PAFAH1B2: variants seen among roughly 807,000 people sequenced by gnomAD.
PAFAH1B2 encodes the protein platelet-activating factor acetylhydrolase IB subunit alpha2.
Under a neutral mutation model 28.0 loss-of-function variants are expected in PAFAH1B2, and 8 were observed. The ratio of observed to expected loss-of-function variants is 0.29; its 90% CI spans 0.17 to 0.52. The LOEUF (loss-of-function observed/expected upper bound fraction) is 0.52. PAFAH1B2 is among the 20% of genes least tolerant of loss of function. The pLI is 0.97. For missense variants in PAFAH1B2, 190 were observed against 282.6 expected (o/e 0.67, Z 2.35); for synonymous variants, 104 against 103.2 (o/e 1.01, Z -0.05).
At chr11:117,154,768 A>G (rs1298721578) in intron 2 of PAFAH1B2, among the ~76,000 whole-genome samples, 2 of 152,076 alleles carry the variant, frequency 1.3e-5, no homozygotes, top group South Asian at 2.1e-4. Flanking sequence ...AGCATTGCAT[A>G]CTGAAATATT....
At chr11:117,164,136 T>C (rs569874975) in intron 5 of PAFAH1B2, 8 of 318,282 alleles carry the variant, frequency 2.5e-5, no homozygotes, top group Non-Finnish European at 3.5e-5. Flanking sequence ...GGCCAGGCGC[T>C]GTGGCTCACG....
Position 117,150,680 on chromosome 11 carries a change from A to G in PAFAH1B2, c.-7-1761A>G, listed in dbSNP as rs140642093. Among the ~76,000 whole-genome samples the G allele has an allele frequency of 7.2e-5, 11 of 152,318 alleles. No homozygotes were observed. The East Asian group carries it at 1.3e-3, about 19-fold the overall frequency. On this transcript the variant is annotated intron_variant, in intron 1 of 5. Coordinates refer to ENST00000527958, the MANE Select transcript of PAFAH1B2 (RefSeq NM_002572.4). The stretch of plus-strand genomic sequence containing the variant: ...CAGTAAATATGTATATTGAATGAAT[A>G]TAACTCGATCTTCTTTCTGAGAAAG...
intron 2 of PAFAH1B2, among the ~76,000 whole-genome samples, chr11:117,157,967 A>G (rs1591741827): frequency 1.3e-5 from 2 of 151,940 alleles, no homozygotes; most frequent in South Asian, 2.1e-4. Context: ...GTGAAACCCC[A>G]TCTCTACTAA....
chr11:117,170,950 GAA>G lies in PAFAH1B2; in HGVS notation c.*3252_*3253del. 9.5e-7 allele frequency: 1 copy of G among 1,054,980 alleles called. No individual in the cohort carries two copies. Among genetic ancestry groups the G allele is most frequent in the Non-Finnish European group, 1.1e-6 (1 of 872,702 alleles). 65.4% of individuals were successfully genotyped at this position (1,054,980 alleles called of 1,614,324 possible). On this transcript the variant is annotated 3_prime_UTR_variant, in exon 6 of 6. Coordinates refer to ENST00000527958, the MANE Select transcript of PAFAH1B2 (RefSeq NM_002572.4). ...GCTAGCTGACTGGACCTCCCCATTG[GAA>G]GTTTGTGATTTTGCTTTGGCAAAGT...
chr11:117,170,625 T>TAA lies in PAFAH1B2; in HGVS notation c.*2926_*2927insAA. On this transcript the variant is annotated 3_prime_UTR_variant, in exon 6 of 6. Coordinates refer to ENST00000527958, the MANE Select transcript of PAFAH1B2 (RefSeq NM_002572.4). ...CCCGGCTCTTAGGAATTTTGTCTGTTTAAAAAAAAAAAAAAAAAAAAAGTC... is the reference window on the plus strand; with the variant it reads ...CCCGGCTCTTAGGAATTTTGTCTGTTAATAAAAAAAAAAAAAAAAAAAAAGTC... The TAA allele has an allele frequency of 1.0e-6, 1 of 1,001,000 alleles. No homozygotes were observed. 62.0% of individuals were successfully genotyped at this position (1,001,000 alleles called of 1,614,324 possible). A position where few individuals can be genotyped will look rare whatever the true frequency, so the allele number is the denominator to read the frequency against.
downstream of PAFAH1B2, among the ~76,000 whole-genome samples, chr11:117,173,473 C>T (rs2134235258): frequency 6.6e-6 from 1 of 152,304 alleles, no homozygotes; most frequent in African/African-American, 2.4e-5. Flanking sequence ...CTAAAGCACA[C>T]AATGCAGGGA....
At chr11:117,162,032 A>G (rs1470672295) in intron 4 of PAFAH1B2, among the ~76,000 whole-genome samples, 1 of 152,220 alleles carries the variant, frequency 6.6e-6, no homozygotes, top group Non-Finnish European at 1.5e-5. Context: ...GAACATTTCT[A>G]CCCAGTATCT....
chr11:117,164,845 C>T (rs1463604322), intron 5 of PAFAH1B2, among the ~76,000 whole-genome samples: 1 of 151,818 alleles, frequency 6.6e-6, no homozygotes, highest in Admixed American at 6.6e-5. Context: ...ACCAGCCTGG[C>T]CAAGATGGTG....
chr11:117,147,715 G>C (rs188953802), intron 1 of PAFAH1B2, among the ~76,000 whole-genome samples: 16 of 151,808 alleles, frequency 1.1e-4, no homozygotes, highest in Middle Eastern at 3.4e-3. Context: ...TACAAAATCA[G>C]AGTCAGAAGA....
chr11:117,145,807 T>A (rs1591725089), intron 1 of PAFAH1B2, among the ~76,000 whole-genome samples: 1 of 152,232 alleles, frequency 6.6e-6, no homozygotes. Context: ...TTCATCTGTT[T>A]TCCTGGTTCA....
At chr11:117,161,344 T>C in intron 4 of PAFAH1B2, 83 bp downstream of exon 4, 4 of 900,438 alleles carry the variant, frequency 4.4e-6, no homozygotes, top group Middle Eastern at 2.3e-4. Flanking sequence ...AAAAAAAAAT[T>C]GCTTCTTTAA....
downstream of PAFAH1B2, chr11:117,174,917 C>T: frequency 6.5e-7 from 1 of 1,527,032 alleles, no homozygotes. Flanking sequence ...ACCAGGCCAT[C>T]TTCAGGTCAT....
intron 2 of PAFAH1B2, among the ~76,000 whole-genome samples, chr11:117,154,214 G>A (rs983342128): frequency 1.3e-5 from 2 of 152,080 alleles, no homozygotes; most frequent in Admixed American, 1.3e-4. Context: ...TAGGCCAGGA[G>A]TAGTGACTCA....
intron 5 of PAFAH1B2, among the ~76,000 whole-genome samples, chr11:117,166,250 C>T (rs575115249): frequency 2.1e-4 from 32 of 152,266 alleles, no homozygotes; most frequent in African/African-American, 7.5e-4. Context: ...TGTTGAGGTA[C>T]TTATTTATAC....
intron 5 of PAFAH1B2, among the ~76,000 whole-genome samples, chr11:117,164,903 G>A (rs1956466731): frequency 6.6e-6 from 1 of 151,678 alleles, no homozygotes; most frequent in Non-Finnish European, 1.5e-5. Context: ...GGGCGTGGTG[G>A]CACGTGCCTG....
At chr11:117,164,935 C>A (rs558841417) in intron 5 of PAFAH1B2, among the ~76,000 whole-genome samples, 1 of 149,680 alleles carries the variant, frequency 6.7e-6, no homozygotes, top group Admixed American at 6.7e-5. Flanking sequence ...ATTCGGGAGG[C>A]TGAAACAGAT....
In PAFAH1B2 at chr11:117,170,496, T is replaced by G; in HGVS notation, c.*2797T>G. 1 of 1,059,340 alleles carries G rather than the reference T, an allele frequency of 9.4e-7. No individual in the cohort carries two copies. The highest frequency in any genetic ancestry group is 1.1e-6 in the Non-Finnish European group (1 of 875,984). The allele number at this position is 1,059,340 out of a possible 1,614,324, so 65.6% of individuals were successfully genotyped here. On this transcript the variant is annotated 3_prime_UTR_variant, in exon 6 of 6. Transcript: ENST00000527958. The stretch of plus-strand genomic sequence containing the variant: ...TTCTCGGTCGCCGTAGACAGCGCTC[T>G]GGCTACCACCGTGAGGCTACTTGAA...
chr11:117,173,558 G>T (rs549224643), downstream of PAFAH1B2, among the ~76,000 whole-genome samples: 2 of 152,144 alleles, frequency 1.3e-5, no homozygotes, highest in East Asian at 3.9e-4. Flanking sequence ...GCCCAGGTTG[G>T]CCTCAAACAC....
chr11:117,164,183 G>T (rs189189723), intron 5 of PAFAH1B2: 4,812 of 202,308 alleles, frequency 0.024, 80 homozygotes, highest in Middle Eastern at 0.032. Context: ...CAAGGTGGGC[G>T]GATCACGAGG....
Sources: gnomAD v4.1 joint callset for allele counts (sites outside exome capture counted in the v4.1 genomes callset) on GRCh38, gnomAD v4.1.1 for gene constraint, MANE v1.5 for transcripts, NCBI Gene and HGNC (gene_info 2026-07-23, HGNC 2026-07-21) for gene names.